The following FN1 variants were observed in gnomAD, a reference collection of about 807,000 sequenced individuals.
The protein encoded by FN1 is fibronectin.
In FN1, 106 loss-of-function variants were observed where a neutral mutation model predicts 297.3. The ratio of observed to expected loss-of-function variants is 0.36; its 90% CI spans 0.30 to 0.42. The LOEUF (loss-of-function observed/expected upper bound fraction) is 0.42, where lower values mean the gene tolerates loss of function less well. Ranked by LOEUF, FN1 falls within the 10% of genes least tolerant of loss-of-function variation. FN1 has a pLI of 1.00. For synonymous variants in FN1, 1,149 were observed against 1,152.6 expected, an observed-to-expected ratio of 1.00 and a Z score of 0.06; for missense variants, 2,690 against 3,124.9, an observed-to-expected ratio of 0.86 and a Z score of 3.32.
rs148437662 is a variant in FN1 at position 215,382,977 on chromosome 2, G to A, written c.5050+351C>T. On this transcript the variant is annotated intron_variant, in intron 31 of 45. Transcript: ENST00000354785. ...TAGGTGGTCCTACCCCATCTATCCTGTTGTATATGAGATGCAGATTACTCT... is the reference window on the plus strand; with the variant it reads ...TAGGTGGTCCTACCCCATCTATCCTATTGTATATGAGATGCAGATTACTCT... Among the ~76,000 whole-genome samples the A allele has an allele frequency of 2.5e-3, 379 of 151,374 alleles. 1 individual carries two copies. The highest frequency in any genetic ancestry group is 8.6e-3 in the African/African-American group (354 of 41,256).
intron 11 of FN1, among the ~76,000 whole-genome samples, chr2:215,420,360 AAAAC>A (rs994775638): frequency 2.3e-4 from 31 of 135,866 alleles, no homozygotes; most frequent in African/African-American, 7.8e-4. Flanking sequence ...AACAAAAACA[AAAAC>A]AAACAAAAAA....
chr2:215,433,529 T>A (rs778150951), intron 2 of FN1, 68 bp from the exon 3 acceptor site: 1 of 1,520,640 alleles, frequency 6.6e-7, no homozygotes, highest in Non-Finnish European at 9.0e-7. Flanking sequence ...ACTAATCCCC[T>A]CTAAAGGAAA....
At chr2:215,419,428 A>G in intron 11 of FN1, 43 bp from the exon 12 acceptor site, 1 of 1,541,120 alleles carries the variant, frequency 6.5e-7, no homozygotes, top group Non-Finnish European at 9.0e-7. Flanking sequence ...TTGAAGACTT[A>G]TAACTACGAA....
chr2:215,384,070 C>T lies in FN1; in HGVS notation c.4844G>A (p.Arg1615His). Residue 1615 changes from arginine to histidine, a missense_variant, in exon 30 of 46, where the codon CGT becomes CAT. Around this residue, in one of 3 missense-constraint regions of FN1, gnomAD observed 1,743 missense variants for 1,945.2 expected, o/e 0.90. Coordinates refer to ENST00000354785, the MANE Select transcript of FN1 (RefSeq NM_212482.4). ...YTITVYAVTG[R>H]GDSPASSKPI... ...CTTGCTGCTTGCGGGGCTGTCTCCA[C>T]GGCCAGTGACAGCATACACAGTGAT... is the stretch of plus-strand genomic sequence containing the variant. 1.9e-6 allele frequency: 3 copies of T among 1,614,114 alleles called. No homozygotes were observed. Among genetic ancestry groups the T allele is most frequent in the Non-Finnish European group, 1.7e-6 (2 of 1,180,018 alleles).
chr2:215,412,117 C>T (rs1268445130), intron 13 of FN1, among the ~76,000 whole-genome samples: 4 of 151,682 alleles, frequency 2.6e-5, no homozygotes, highest in East Asian at 1.9e-4. Context: ...CTGTTGATTT[C>T]GATCACTGGA....
chr2:215,383,966 A>G, intron 30 of FN1, 54 bp downstream of exon 30: 1 of 1,582,676 alleles, frequency 6.3e-7, no homozygotes, highest in Non-Finnish European at 8.6e-7. Context: ...GAACATTGCA[A>G]AACAGTATCT....
chr2:215,435,883 A>T lies in FN1; in HGVS notation c.-81T>A. 1 of 1,481,668 alleles carries T rather than the reference A, an allele frequency of 6.7e-7. No individual in the cohort carries two copies. 91.8% of individuals were successfully genotyped at this position (1,481,668 alleles called of 1,614,324 possible). ...GCTTCCCTTCGCAACCTGCGGGAAA[A>T]ATCCCTTCTAATGCCTCCCGGGGGT... is the stretch of plus-strand genomic sequence containing the variant. On this transcript the variant is annotated 5_prime_UTR_variant, in exon 1 of 46. Coordinates refer to ENST00000354785, the MANE Select transcript of FN1 (RefSeq NM_212482.4).
At chr2:215,415,025 A>AT in intron 12 of FN1, 67 bp from the exon 13 acceptor site, 1 of 1,201,372 alleles carries the variant, frequency 8.3e-7, no homozygotes, top group Admixed American at 1.7e-5. Flanking sequence ...AACTGTGTAC[A>AT]TGGACAGTCA....
At chr2:215,369,872 G>A (rs930168095) in intron 41 of FN1, among the ~76,000 whole-genome samples, 1 of 152,204 alleles carries the variant, frequency 6.6e-6, no homozygotes, top group African/African-American at 2.4e-5. Flanking sequence ...TGCAGAAGGG[G>A]TATTTTCTTT....
chr2:215,397,624 T>C lies in FN1; in HGVS notation c.3517+56A>G, dbSNP rs76425603. On this transcript the variant is annotated intron_variant, in intron 22 of 45. Coordinates refer to ENST00000354785, the MANE Select transcript of FN1 (RefSeq NM_212482.4). ...AAAAGTGATATTGACACTAGCTTTT[T>C]TCGAAAAGTAGAACAGTTTTAAAAA... 3.8e-3 allele frequency: 5,729 copies of C among 1,503,162 alleles called. 169 individuals carry two copies. In the African/African-American group the frequency reaches 0.062, roughly 16 times the overall value. 93.1% of individuals were successfully genotyped at this position (1,503,162 alleles called of 1,614,324 possible). A position where few individuals can be genotyped will look rare whatever the true frequency, so the allele number is the denominator to read the frequency against.
chr2:215,361,509 A>C lies in FN1; in HGVS notation c.*46T>G, dbSNP rs2053425287. ...GCTAACATCACTCCAGTTTAGATGG[A>C]TCTTGGCAGAGAGACATGCTTGTTC... On this transcript the variant is annotated 3_prime_UTR_variant, in exon 46 of 46. Transcript: ENST00000354785. The C allele has an allele frequency of 7.5e-7, 1 of 1,327,416 alleles. No individual in the cohort carries two copies. The highest frequency in any genetic ancestry group is 1.4e-5 in the African/African-American group (1 of 69,540). 82.2% of individuals were successfully genotyped at this position (1,327,416 alleles called of 1,614,324 possible). A position where few individuals can be genotyped will look rare whatever the true frequency, so the allele number is the denominator to read the frequency against.
intron 12 of FN1, among the ~76,000 whole-genome samples, chr2:215,416,206 G>C (rs1415141144): frequency 6.6e-6 from 1 of 152,102 alleles, no homozygotes; most frequent in Non-Finnish European, 1.5e-5. Context: ...TTCCACACCA[G>C]TAACAATTCA....
chr2:215,409,424 C>G, intron 15 of FN1, 139 bp downstream of exon 15: 1 of 815,950 alleles, frequency 1.2e-6, no homozygotes, highest in Non-Finnish European at 2.1e-6. Context: ...CTTCCTCATG[C>G]CAGAGGGTGG....
chr2:215,431,977 C>A lies in FN1; in HGVS notation c.416-13G>T, dbSNP rs775956890. ...TCATGGCAGCGGTCTGTTGAAGATA[C>A]AACGAAAATGTTAGGAGAGGGCAGA... On this transcript the variant is annotated splice_polypyrimidine_tract_variant and intron_variant, in intron 3 of 45. Transcript: ENST00000354785. 5.6e-6 allele frequency: 9 copies of A among 1,613,768 alleles called. No homozygotes were observed. In the African/African-American group the frequency reaches 9.4e-5, roughly 17 times the overall value.
rs147232568 is a variant in FN1, at chr2:215,404,611, A to C, written c.3031T>G (p.Ser1011Ala). 1.7e-4 allele frequency: 273 copies of C among 1,613,876 alleles called. 1 individual carries two copies. Among genetic ancestry groups the C allele is most frequent in the Non-Finnish European group, 2.1e-4 (249 of 1,179,846 alleles). Reference protein sequence around the residue: ...TNLQFVNETDSTVLVRWTPPR... With the variant: ...TNLQFVNETDATVLVRWTPPR... The stretch of plus-strand genomic sequence containing the variant: ...GGAGTCCATCTCACCAGGACAGTAG[A>C]ATCAGTTTCATTGACAAACTGGAGG... Residue 1011 changes from serine to alanine, a missense_variant, in exon 20 of 46, where the codon TCT becomes GCT. Ser to Ala is a moderately conservative substitution (Grantham distance 99, BLOSUM62 1). Transcript: ENST00000354785.
At chr2:215,391,523 T>C (rs2059702855) in intron 26 of FN1, 109 bp downstream of exon 26, 1 of 873,950 alleles carries the variant, frequency 1.1e-6, no homozygotes, top group African/African-American at 1.6e-5. Context: ...GTTTAGTTTG[T>C]AGCTTGGTTG....
At chr2:215,368,364 T>C (rs1484792476) in intron 41 of FN1, among the ~76,000 whole-genome samples, 2 of 152,212 alleles carry the variant, frequency 1.3e-5, no homozygotes, top group Admixed American at 6.5e-5. Context: ...CAAAGACTAA[T>C]GATGCCTCTC....
chr2:215,383,608 C>A (rs531330616), intron 30 of FN1, 125 bp from the exon 31 acceptor site: 21 of 1,021,484 alleles, frequency 2.1e-5, no homozygotes, highest in Non-Finnish European at 3.2e-5. Flanking sequence ...TATTTCTTCT[C>A]GAAAGAATAC....
chr2:215,422,328 G>T, intron 9 of FN1, 85 bp from the exon 10 acceptor site: 1 of 1,341,146 alleles, frequency 7.5e-7, no homozygotes, highest in Non-Finnish European at 1.1e-6. Context: ...AGTTCAGTTT[G>T]GTCATCCTAA....
Sources: allele counts gnomAD v4.1 joint callset (sites outside exome capture counted in the v4.1 genomes callset), GRCh38; gene constraint gnomAD v4.1.1; regional missense constraint gnomAD v4.1.1; transcripts MANE v1.5; gene names NCBI Gene and HGNC (gene_info 2026-07-23, HGNC 2026-07-21).